GATAD1: variants seen among roughly 807,000 people sequenced by gnomAD.
The protein encoded by GATAD1 is GATA zinc finger domain-containing protein 1.
In GATAD1, 12 loss-of-function variants were observed where a neutral mutation model predicts 26.5. The observed-to-expected ratio is 0.45, with a 90% confidence interval of 0.29 to 0.73. The LOEUF (loss-of-function observed/expected upper bound fraction) is 0.73. Among genes scored for constraint, GATAD1 ranks in the 30% least tolerant of loss-of-function variants. The pLI, the probability that GATAD1 is intolerant of heterozygous loss-of-function variation, is 0.10. For missense variants in GATAD1, 266 were observed against 342.1 expected (o/e 0.78, Z 1.75); for synonymous variants, 129 against 133.1 (o/e 0.97, Z 0.21).
chr7:92,482,069 G>A, the GATAD1 span, among the ~76,000 whole-genome samples: 11 of 152,326 alleles, frequency 7.2e-5, no homozygotes, highest in Admixed American at 3.9e-4. Context: ...TCAATATATT[G>A]AATAAGGTGA....
At chr7:92,472,614 T>C in the GATAD1 span, 3 of 152,250 alleles carry the variant, frequency 2.0e-5, no homozygotes, top group Non-Finnish European at 4.4e-5. Flanking sequence ...TAAATGGGTA[T>C]TGGCTTTCTG....
chr7:92,490,976 A>G, the GATAD1 span, among the ~76,000 whole-genome samples: 1 of 152,260 alleles, frequency 6.6e-6, no homozygotes, highest in Non-Finnish European at 1.5e-5. Context: ...AGTTTACTAT[A>G]AAATGGAACT....
chr7:92,468,551 C>T, the GATAD1 span: 1 of 425,008 alleles, frequency 2.4e-6, no homozygotes, highest in Non-Finnish European at 4.1e-6. Context: ...TTCTTTACCT[C>T]CTGTCTTTGC....
intron 3 of GATAD1, chr7:92,454,040 GTCAGTGTACGTTCA>G (rs1051529116): frequency 5.3e-6 from 1 of 188,032 alleles, no homozygotes; most frequent in South Asian, 1.1e-4. Context: ...ATGATGCTAT[GTCAGTGTACGTTCA>G]TCCGTGTAAC....
chr7:92,474,350 G>C, the GATAD1 span, among the ~76,000 whole-genome samples: 1 of 152,188 alleles, frequency 6.6e-6, no homozygotes, highest in African/African-American at 2.4e-5. Flanking sequence ...TCAGGTGACA[G>C]AGAGGCACGC....
At chr7:92,452,186 T>C (rs1365352883) in intron 3 of GATAD1, among the ~76,000 whole-genome samples, 3 of 152,264 alleles carry the variant, frequency 2.0e-5, no homozygotes, top group Non-Finnish European at 2.9e-5. Flanking sequence ...GGGTTTAGTG[T>C]ACTAACAGTT....
the GATAD1 span, chr7:92,470,434 C>G: frequency 1.6e-6 from 1 of 636,062 alleles, no homozygotes; most frequent in Non-Finnish European, 2.9e-6. Context: ...GAAGAGCAGG[C>G]GCAAATCCTC....
At chr7:92,468,215 G>A in the GATAD1 span, among the ~76,000 whole-genome samples, 17,798 of 152,214 alleles carry the variant, frequency 0.12, 1,081 homozygotes, top group Non-Finnish European at 0.14. Context: ...CCTTTAGCCC[G>A]ATTGGGAGCG....
chr7:92,449,527 A>G, intron 2 of GATAD1: 4 of 974,948 alleles, frequency 4.1e-6, no homozygotes, highest in African/African-American at 1.8e-5. Flanking sequence ...ATTATGGACT[A>G]TTTTTTTAAG....
At chr7:92,463,134 A>G (rs1484322984), downstream of GATAD1, 1 of 152,250 alleles carries the variant, frequency 6.6e-6, no homozygotes, top group Non-Finnish European at 1.5e-5. Flanking sequence ...GCCAAACTTA[A>G]AAGGACAAAT....
the GATAD1 span, among the ~76,000 whole-genome samples, chr7:92,488,914 AG>A: frequency 6.6e-6 from 1 of 152,056 alleles, no homozygotes; most frequent in African/African-American, 2.4e-5. Flanking sequence ...TTGTATTTTT[AG>A]TAGAGATGGG....
At chr7:92,489,284 GTTAC>G in the GATAD1 span, 3 of 1,611,400 alleles carry the variant, frequency 1.9e-6, no homozygotes, top group Admixed American at 3.3e-5. Flanking sequence ...AACAGAATCT[GTTAC>G]TTACAGCTCA....
At chr7:92,489,717 A>G in the GATAD1 span, 20 of 1,613,102 alleles carry the variant, frequency 1.2e-5, no homozygotes, top group Non-Finnish European at 1.6e-5. Flanking sequence ...GCCATACTCC[A>G]CTTTGGCTCC....
At chr7:92,460,776 C>CA (rs557542327), downstream of GATAD1, among the ~76,000 whole-genome samples, 1,700 of 62,408 alleles carry the variant, frequency 0.027, 15 homozygotes, top group Middle Eastern at 0.044. Context: ...GACCTTCTCT[C>CA]AAAAAAAAAA....
the GATAD1 span, chr7:92,477,982 T>C: frequency 2.6e-5 from 4 of 152,384 alleles, no homozygotes; most frequent in South Asian, 2.1e-4. Context: ...ATATCCCGAT[T>C]GTTGTCCCTC....
chr7:92,491,539 A>G, the GATAD1 span: 1 of 1,242,948 alleles, frequency 8.0e-7, no homozygotes, highest in Non-Finnish European at 1.2e-6. Context: ...TTAAAGATGT[A>G]AACAATTTTA....
rs1789229567 is a variant in GATAD1 at position 92,447,956 on chromosome 7, A to G, written c.227A>G (p.Asn76Ser). 4 of 1,225,626 alleles carry G rather than the reference A, an allele frequency of 3.3e-6. No individual in the cohort carries two copies. The highest frequency in any genetic ancestry group is 1.6e-5 in the African/African-American group (1 of 63,714). The allele number at this position is 1,225,626 out of a possible 1,614,324, so 75.9% of individuals were successfully genotyped here. ...ASTSATPPQS[N>S]GGGGGKQSKQ... ...ACCTCCGCCACCCCTCCGCAGAGCAACGGGGGCGGGGGCGGCAAGCAGGTG... is the reference window on the plus strand; with the variant it reads ...ACCTCCGCCACCCCTCCGCAGAGCAGCGGGGGCGGGGGCGGCAAGCAGGTG... Residue 76 changes from asparagine to serine, a missense_variant, in exon 1 of 5, where the codon AAC becomes AGC. Asn to Ser is a conservative substitution (Grantham distance 46). Transcript: ENST00000287957.
At chr7:92,491,759 C>G in the GATAD1 span, 2 of 452,786 alleles carry the variant, frequency 4.4e-6, no homozygotes, top group Non-Finnish European at 8.0e-6. Context: ...AGACTCAGAC[C>G]TCTGGGCTTT....
At chr7:92,495,487 A>G in the GATAD1 span, among the ~76,000 whole-genome samples, 2 of 152,158 alleles carry the variant, frequency 1.3e-5, no homozygotes, top group African/African-American at 4.8e-5. Context: ...TTTCTAACTC[A>G]ATTTTTACTA....
Sources: allele counts gnomAD v4.1 joint callset (sites outside exome capture counted in the v4.1 genomes callset), GRCh38; gene constraint gnomAD v4.1.1; transcripts MANE v1.5; gene names NCBI Gene and HGNC (gene_info 2026-07-23, HGNC 2026-07-21).